ATXN2L: variants seen among roughly 807,000 people sequenced by gnomAD.
ATXN2L encodes ataxin 2 like, also known as ataxin-2-like protein.
A neutral mutation model predicts 120.7 loss-of-function variants in ATXN2L; 24 were observed. The observed-to-expected ratio is 0.20, with a 90% CI of 0.14 to 0.28. The LOEUF (loss-of-function observed/expected upper bound fraction) is 0.28. Among genes scored for constraint, ATXN2L ranks in the 10% least tolerant of loss-of-function variants. ATXN2L has a pLI of 1.00. For synonymous variants in ATXN2L, 653 were observed against 568.1 expected (o/e 1.15, Z -2.13); for missense variants, 1,312 against 1,432.3 (o/e 0.92, Z 1.36).
chr16:28,829,710 G>A, intron 7 of ATXN2L, 148 bp from the exon 8 acceptor site: 1 of 851,542 alleles, frequency 1.2e-6, no homozygotes, highest in South Asian at 1.6e-5. Flanking sequence ...CTCTACCTGG[G>A]ATGCAGTCGG....
rs1431916891 is a variant in ATXN2L, at chr16:28,836,223, G to C, written c.3186G>C (p.Gly1062=). The change falls in exon 22 of 22, where the codon GGG becomes GGC. Residue 1062 remains glycine, a synonymous_variant. Coordinates refer to ENST00000336783, the MANE Select transcript of ATXN2L (RefSeq NM_007245.4). ...AGGIWHGRAE[G]LQVGQDARVL... ...GAATTTGGCATGGAAGAGCTGAGGG[G>C]CTGCAGGTGGGGCAGGATGCACGGG... The C allele has an allele frequency of 6.2e-7, 1 of 1,613,846 alleles. No individual in the cohort carries two copies. The highest frequency in any genetic ancestry group is 8.5e-7 in the Non-Finnish European group (1 of 1,179,912).
In ATXN2L at chr16:28,826,788, G is replaced by T. The variant is rs912980281; in HGVS notation, c.617-74G>T. On this transcript the variant is annotated intron_variant, in intron 5 of 21. Transcript: ENST00000336783. ...TTTGTTCCTGAACTACTTACGGAGA[G>T]TGGGGTTGGGGGATATTGGAAAGAA... 44 of 1,457,724 alleles carry T rather than the reference G, an allele frequency of 3.0e-5. 1 individual carries two copies. In the South Asian group the frequency reaches 5.4e-4, roughly 18 times the overall value. 90.3% of individuals were successfully genotyped at this position (1,457,724 alleles called of 1,614,324 possible).
At chr16:28,824,697 C>A in intron 1 of ATXN2L, 1 of 740,928 alleles carries the variant, frequency 1.3e-6, no homozygotes, top group Non-Finnish European at 1.8e-6. Context: ...CAAAGCTGCA[C>A]TCCTGGAGCT....
intron 1 of ATXN2L, chr16:28,824,267 C>T: frequency 8.6e-7 from 1 of 1,157,854 alleles, no homozygotes; most frequent in South Asian, 1.7e-5. Flanking sequence ...GTAGTGGAGG[C>T]CCTGCTCAGT....
chr16:28,832,375 A>C lies in ATXN2L; in HGVS notation c.1492A>C (p.Lys498Gln). ...GVGSISPASP[K>Q]ISLAPTDVKE... ...GGGCTCCATTTCTCCAGCTTCTCCA[A>C]AGATCTCCCTGGCCCCCACAGATGG... Residue 498 changes from lysine to glutamine, a missense_variant, in exon 11 of 22, where the codon AAG (lysine) becomes CAG (glutamine). Coordinates refer to ENST00000336783, the MANE Select transcript of ATXN2L (RefSeq NM_007245.4). The C allele has an allele frequency of 3.7e-6, 6 of 1,614,120 alleles. No individual in the cohort carries two copies. Among genetic ancestry groups the C allele is most frequent in the Non-Finnish European group, 5.1e-6 (6 of 1,180,020 alleles).
chr16:28,823,084 T>C lies in ATXN2L; in HGVS notation c.-176T>C, dbSNP rs1323835456. 3 of 158,904 alleles carry C rather than the reference T, an allele frequency of 1.9e-5. No individual in the cohort carries two copies. Among genetic ancestry groups the C allele is most frequent in the Non-Finnish European group, 3.8e-5 (3 of 78,052 alleles). The allele number at this position is 158,904 out of a possible 1,614,324, so 9.8% of individuals were successfully genotyped here. ...CCCCTCCCCTTCCGCCTCGCGGCGC[T>C]TCCTCGCGCCGCGGTCTTCTCTCTC... On this transcript the variant is annotated 5_prime_UTR_variant, in exon 1 of 22. Transcript: ENST00000336783.
Position 28,826,857 on chromosome 16 carries a change from C to T in ATXN2L, c.617-5C>T, listed in dbSNP as rs773124199. 2.0e-5 allele frequency: 31 copies of T among 1,569,730 alleles called. 1 individual carries two copies. In the South Asian group the frequency reaches 3.4e-4, roughly 17 times the overall value. ...GACTCCTGATCTTCACCTCTGCCCC[C>T]ACAGACAAGTTCACCGATTCAGCCA... is the stretch of plus-strand genomic sequence containing the variant. On this transcript the variant is annotated splice_polypyrimidine_tract_variant and splice_region_variant and intron_variant, in intron 5 of 21. Transcript: ENST00000336783.
rs1009660201 is a variant in ATXN2L, at chr16:28,826,112, A to T, written c.466-128A>T. On this transcript the variant is annotated intron_variant, in intron 4 of 21. Transcript: ENST00000336783. ...GCACTTGGTTCCAAGCATGTTGAGG[A>T]TGTAGTGTTGTGAAAAGTTTGGGAA... 9.3e-5 allele frequency: 104 copies of T among 1,118,494 alleles called. No homozygotes were observed. In the African/African-American group the frequency reaches 1.5e-3, roughly 16 times the overall value. The allele number at this position is 1,118,494 out of a possible 1,614,324, so 69.3% of individuals were successfully genotyped here. A position where few individuals can be genotyped will look rare whatever the true frequency, so the allele number is the denominator to read the frequency against.
In ATXN2L at chr16:28,835,703, C is replaced by T; in HGVS notation, c.2840C>T (p.Ala947Val). ...TTCCCCCAGCCAGCCGCTGTGTATG[C>T]CATCCACCACCAGCAGCTGCCCCAC... is the stretch of plus-strand genomic sequence containing the variant. ...SSFPQPAAVYAIHHQQLPHGF... is the reference protein window; with the variant it reads ...SSFPQPAAVYVIHHQQLPHGF... Residue 947 changes from alanine to valine, a missense_variant, in exon 21 of 22, where the codon GCC (alanine) becomes GTC (valine). By Grantham distance (64) the Ala-to-Val change is moderately conservative. Transcript: ENST00000336783. 2 of 1,614,124 alleles carry T rather than the reference C, an allele frequency of 1.2e-6. No homozygotes were observed. Among genetic ancestry groups the T allele is most frequent in the Non-Finnish European group, 1.7e-6 (2 of 1,179,998 alleles).
chr16:28,833,409 C>T lies in ATXN2L; in HGVS notation c.1956-30C>T, dbSNP rs186033212. 119 of 1,613,962 alleles carry T rather than the reference C, an allele frequency of 7.4e-5. 1 individual carries two copies. Among genetic ancestry groups the T allele is most frequent in the South Asian group, 5.5e-4 (50 of 91,070 alleles). ...GATGGCAGGAGGGATGAGAGCAAGC[C>T]GTGAAGATTTACTGTACTTTCTCTC... On this transcript the variant is annotated intron_variant, in intron 14 of 21. Coordinates refer to ENST00000336783, the MANE Select transcript of ATXN2L (RefSeq NM_007245.4).
intron 10 of ATXN2L, 104 bp from the exon 11 acceptor site, chr16:28,832,101 C>G: frequency 7.9e-7 from 1 of 1,257,936 alleles, no homozygotes; most frequent in East Asian, 2.4e-5. Flanking sequence ...GTTGGTGACT[C>G]TGGTTGTATA....
chr16:28,833,607 A>G (rs1286452244), intron 15 of ATXN2L, 99 bp downstream of exon 15: 26 of 1,247,500 alleles, frequency 2.1e-5, no homozygotes, highest in Middle Eastern at 2.5e-4. Flanking sequence ...TTCCAGGACC[A>G]CTTGCCTGGC....
In ATXN2L at chr16:28,824,595, G is replaced by A. The variant is rs147625183; in HGVS notation, c.300-771G>A. 676 of 1,249,860 alleles carry A rather than the reference G, an allele frequency of 5.4e-4. 2 individuals are homozygous for A. In the African/African-American group the frequency reaches 9.5e-3, roughly 18 times the overall value. The allele number at this position is 1,249,860 out of a possible 1,614,324, so 77.4% of individuals were successfully genotyped here. ...GGTCGAGGGGATGGGGTGTGGAGGG[G>A]ATACCCCTCCTCCCACAGTTTTGAG... On this transcript the variant is annotated intron_variant, in intron 1 of 21. Coordinates refer to ENST00000336783, the MANE Select transcript of ATXN2L (RefSeq NM_007245.4).
rs2052211456 is a variant in ATXN2L at position 28,826,738 on chromosome 16, C to T, written c.617-124C>T. On this transcript the variant is annotated intron_variant, in intron 5 of 21. Coordinates refer to ENST00000336783, the MANE Select transcript of ATXN2L (RefSeq NM_007245.4). The stretch of plus-strand genomic sequence containing the variant: ...CCCCCTGGCCATCCTAACACACGGG[C>T]ACACGTACTCTGGACTTCTTAAACT... The T allele has an allele frequency of 9.9e-6, 12 of 1,210,090 alleles. No individual in the cohort carries two copies. In the East Asian group the frequency reaches 2.6e-4, roughly 26 times the overall value. 75.0% of individuals were successfully genotyped at this position (1,210,090 alleles called of 1,614,324 possible). A position where few individuals can be genotyped will look rare whatever the true frequency, so the allele number is the denominator to read the frequency against.
At chr16:28,824,221 A>G in intron 1 of ATXN2L, 1 of 1,091,244 alleles carries the variant, frequency 9.2e-7, no homozygotes, top group Non-Finnish European at 1.1e-6. Flanking sequence ...GGCAGGGACT[A>G]GTTCGTGGAG....
At chr16:28,823,735 G>A (rs2050460515) in intron 1 of ATXN2L, 177 bp downstream of exon 1, 11 of 640,786 alleles carry the variant, frequency 1.7e-5, no homozygotes, top group Non-Finnish European at 1.8e-5. Flanking sequence ...GGGTCCCCGG[G>A]CGGCCACCGG....
rs778627616 is a variant in ATXN2L, at chr16:28,836,034, G to A, written c.2997G>A (p.Gly999=). 5.7e-6 allele frequency: 9 copies of A among 1,591,100 alleles called. No homozygotes were observed. In the African/African-American group the frequency reaches 8.1e-5, roughly 14 times the overall value. Residue 999 remains glycine, a synonymous_variant, in exon 22 of 22, where the codon GGG becomes GGA. Transcript: ENST00000336783. The stretch of plus-strand genomic sequence containing the variant: ...TGCACCCACCCCAGAGTCATGGGGG[G>A]CCCCCCCAAGGCGCGGTGCCCCAGA... ...MLLHPPQSHG[G]PPQGAVPQSG...
In ATXN2L at chr16:28,833,490, A is replaced by C; in HGVS notation, c.2007A>C (p.Thr669=). 1 of 1,614,232 alleles carries C rather than the reference A, an allele frequency of 6.2e-7. No individual in the cohort carries two copies. The highest frequency in any genetic ancestry group is 8.5e-7 in the Non-Finnish European group (1 of 1,180,040). Residue 669 remains threonine (T), a synonymous_variant, in exon 15 of 22, where the codon ACA becomes ACC. Coordinates refer to ENST00000336783, the MANE Select transcript of ATXN2L (RefSeq NM_007245.4). ...LNPNAKEFNP[T]KPLLSVNKST... is the part of the protein sequence containing the mutation. ...CTAATGCTAAGGAGTTCAATCCTAC[A>C]AAGCCTCTGCTGTCTGTGGTGAGCT...
Position 28,835,983 on chromosome 16 carries a change from T to TA in ATXN2L, c.2946_2947insA (p.Pro983ThrfsTer48). The TA allele has an allele frequency of 6.5e-7, 1 of 1,540,914 alleles. No individual in the cohort carries two copies. On this transcript the variant is annotated frameshift_variant, in exon 22 of 22. Transcript: ENST00000336783. LOFTEE classifies it high-confidence loss of function. ...CAGCCCCGCCCCCTCACCCTGGGGCTCCCCACCCGCCCCAGGTGATGCTGC... is the reference window on the plus strand; with the variant it reads ...CAGCCCCGCCCCCTCACCCTGGGGCTACCCCACCCGCCCCAGGTGATGCTGC...
Sources: gnomAD v4.1 joint callset for allele counts on GRCh38, gnomAD v4.1.1 for gene constraint, MANE v1.5 for transcripts, NCBI Gene and HGNC (gene_info 2026-07-23, HGNC 2026-07-21) for gene names.